The following NEDD4 variants were observed in gnomAD, a reference collection of about 807,000 sequenced individuals.
NEDD4 encodes E3 ubiquitin-protein ligase NEDD4.
Under a neutral mutation model 144.9 loss-of-function variants are expected in NEDD4, and 99 were observed. The observed-to-expected ratio is 0.68, with a 90% CI of 0.58 to 0.81. NEDD4 has a LOEUF of 0.81. Among genes scored for constraint, NEDD4 ranks in the 30% least tolerant of loss-of-function variants. The pLI is 0.00. For synonymous variants in NEDD4, 318 were observed against 350.6 expected (o/e 0.91, Z 1.04); for missense variants, 985 against 1,065.9 (o/e 0.92, Z 1.06).
chr15:55,831,845 A>T (rs2032965857), intron 27 of NEDD4, among the ~76,000 whole-genome samples: 1 of 152,176 alleles, frequency 6.6e-6, no homozygotes, highest in Non-Finnish European at 1.5e-5. Context: ...CATTGTTCTG[A>T]GTAGGCCTCC....
At chr15:55,967,314 T>C (rs2142331233) in intron 1 of NEDD4, among the ~76,000 whole-genome samples, 1 of 152,314 alleles carries the variant, frequency 6.6e-6, no homozygotes, top group Admixed American at 6.5e-5. Context: ...TATGATGGCA[T>C]AGAGGTTTTA....
At chr15:55,870,911 CTA>C (rs1309616472) in intron 7 of NEDD4, among the ~76,000 whole-genome samples, 4 of 152,106 alleles carry the variant, frequency 2.6e-5, no homozygotes. Context: ...TCTCAGCTCT[CTA>C]TATAGATTTT....
In NEDD4 at chr15:55,906,234, C is replaced by A. The variant is rs191507921; in HGVS notation, c.291+18412G>T. Among the ~76,000 whole-genome samples, 663 of 152,168 alleles carry A rather than the reference C, an allele frequency of 4.4e-3. 1 individual carries two copies. Among genetic ancestry groups the A allele is most frequent in the African/African-American group, 0.015 (615 of 41,506 alleles). On this transcript the variant is annotated intron_variant, in intron 5 of 28. Coordinates refer to ENST00000435532, the MANE Select transcript of NEDD4 (RefSeq NM_006154.4). ...TGGAAGACAGTGTGGCGATTCCTCACGGATCTAGAACTAGAAATACCATTT... is the reference window on the plus strand; with the variant it reads ...TGGAAGACAGTGTGGCGATTCCTCAAGGATCTAGAACTAGAAATACCATTT...
intron 5 of NEDD4, chr15:55,916,487 A>G (rs771887913): frequency 6.2e-7 from 1 of 1,614,114 alleles, no homozygotes; most frequent in Admixed American, 1.7e-5. Flanking sequence ...TCAAGATACA[A>G]GTAAACGAAG....
chr15:55,904,110 C>T (rs1805013631), intron 5 of NEDD4, among the ~76,000 whole-genome samples: 2 of 151,890 alleles, frequency 1.3e-5, no homozygotes, highest in South Asian at 2.1e-4. Flanking sequence ...CACAGAGAGC[C>T]GAGATTGCAC....
intron 1 of NEDD4, among the ~76,000 whole-genome samples, chr15:55,975,683 T>C (rs2037687206): frequency 6.6e-6 from 1 of 150,794 alleles, no homozygotes; most frequent in East Asian, 1.9e-4. Context: ...GAACAATCAA[T>C]ATTGTTAAAA....
At chr15:55,843,978 G>A (rs1566904566) in intron 18 of NEDD4, among the ~76,000 whole-genome samples, 1 of 152,136 alleles carries the variant, frequency 6.6e-6, no homozygotes, top group Non-Finnish European at 1.5e-5. Flanking sequence ...TGCTAATTCT[G>A]AGACTTAAAA....
At chr15:55,939,325 C>T (rs768347119) in intron 4 of NEDD4, among the ~76,000 whole-genome samples, 1 of 152,158 alleles carries the variant, frequency 6.6e-6, no homozygotes, top group African/African-American at 2.4e-5. Flanking sequence ...GGTTCCTCCC[C>T]CTTCACTTTC....
At chr15:55,935,390 C>T (rs2036865762) in intron 4 of NEDD4, among the ~76,000 whole-genome samples, 1 of 152,054 alleles carries the variant, frequency 6.6e-6, no homozygotes, top group African/African-American at 2.4e-5. Context: ...GGATAGACAG[C>T]AACTCCTCTC....
chr15:55,874,115 A>G (rs2034906874), intron 5 of NEDD4, 107 bp from the exon 6 acceptor site: 2 of 563,176 alleles, frequency 3.6e-6, no homozygotes, highest in African/African-American at 1.9e-5. Flanking sequence ...TTTTTTTTTT[A>G]TTCAGTCATA....
chr15:55,945,830 G>A (rs2037101893), intron 4 of NEDD4, among the ~76,000 whole-genome samples: 1 of 151,930 alleles, frequency 6.6e-6, no homozygotes, highest in South Asian at 2.1e-4. Context: ...AACCTTACAA[G>A]CCAGAAGACA....
In NEDD4 at chr15:55,860,856, G is replaced by GA. The variant is rs1450288625; in HGVS notation, c.675-79dup. 16 of 1,267,184 alleles carry GA rather than the reference G, an allele frequency of 1.3e-5. No homozygotes were observed. In the East Asian group the frequency reaches 1.9e-4, roughly 15 times the overall value. The allele number at this position is 1,267,184 out of a possible 1,614,324, so 78.5% of individuals were successfully genotyped here. ...TTGTCAAAGATTCTGTGATCATTGG[G>GA]AAAAAAATCTACATTACATCAATAA... On this transcript the variant is annotated intron_variant, in intron 9 of 28. Coordinates refer to ENST00000435532, the MANE Select transcript of NEDD4 (RefSeq NM_006154.4).
At chr15:55,956,971 T>C (rs1441918865) in intron 2 of NEDD4, among the ~76,000 whole-genome samples, 1 of 152,234 alleles carries the variant, frequency 6.6e-6, no homozygotes, top group Non-Finnish European at 1.5e-5. Context: ...TCGACTTCTC[T>C]CAGCACTGTT....
At chr15:55,917,271 T>A in intron 5 of NEDD4, 1 of 599,164 alleles carries the variant, frequency 1.7e-6, no homozygotes, top group Non-Finnish European at 2.1e-6. Context: ...AATGAACATT[T>A]AACTATGTGA....
intron 24 of NEDD4, among the ~76,000 whole-genome samples, chr15:55,835,420 G>GTT (rs56792157): frequency 0.072 from 7,784 of 108,222 alleles, 471 homozygotes; most frequent in African/African-American, 0.15. Context: ...CTCCTGTTCT[G>GTT]TTTTTTTTTT....
intron 17 of NEDD4, among the ~76,000 whole-genome samples, 170 bp from the exon 18 acceptor site, chr15:55,847,204 A>T (rs554764412): frequency 6.6e-6 from 1 of 152,346 alleles, no homozygotes; most frequent in East Asian, 1.9e-4. Context: ...AAAATATTTA[A>T]TTTCTCTGTT....
At chr15:55,905,208 T>C (rs2142169884) in intron 5 of NEDD4, 1 of 447,224 alleles carries the variant, frequency 2.2e-6, no homozygotes, top group Non-Finnish European at 4.5e-6. Context: ...AAGACATATT[T>C]TACCTGGAAT....
chr15:55,951,436 A>T (rs552209354), intron 3 of NEDD4, 22 bp from the exon 4 acceptor site: 1 of 1,194,956 alleles, frequency 8.4e-7, no homozygotes, highest in South Asian at 1.5e-5. Context: ...TAAACATAGT[A>T]TAACTAAATA....
At position 55,834,209 on chromosome 15, in the gene NEDD4, T is replaced by C; in HGVS notation, c.2322+18A>G. The C allele has an allele frequency of 6.2e-7, 1 of 1,608,178 alleles. No homozygotes were observed. Among genetic ancestry groups the C allele is most frequent in the Non-Finnish European group, 8.5e-7 (1 of 1,174,956 alleles). On this transcript the variant is annotated intron_variant, in intron 25 of 28. Transcript: ENST00000435532. ...TGGGTTCACAATTTCTGTTTCAACATAAAATGTTATGTCTTACCTCTAGTT... is the reference window on the plus strand; with the variant it reads ...TGGGTTCACAATTTCTGTTTCAACACAAAATGTTATGTCTTACCTCTAGTT...
Sources: gnomAD v4.1 joint callset for allele counts (sites outside exome capture counted in the v4.1 genomes callset) on GRCh38, gnomAD v4.1.1 for gene constraint, MANE v1.5 for transcripts, NCBI Gene and HGNC (gene_info 2026-07-23, HGNC 2026-07-21) for gene names.